Variants in PPM1M observed in about 807,000 individuals in gnomAD.
PPM1M encodes protein phosphatase 1M.
In PPM1M, 44 loss-of-function variants were observed where a neutral mutation model predicts 50.8. That is an observed-to-expected ratio of 0.87 (90% CI 0.68 to 1.11). The LOEUF is 1.11. Among genes scored for constraint, PPM1M ranks in the 50% most tolerant of loss-of-function variants. PPM1M has a pLI of 0.00. For synonymous variants in PPM1M, 224 were observed against 242.9 expected, an observed-to-expected ratio of 0.92 and a Z score of 0.72; for missense variants, 556 against 593.4, an observed-to-expected ratio of 0.94 and a Z score of 0.66.
In PPM1M at chr3:52,245,837, TG is replaced by T. The variant is rs1339540660; in HGVS notation, c.15del (p.Trp5CysfsTer104). 8 of 1,059,160 alleles carry T rather than the reference TG, an allele frequency of 7.6e-6. No individual in the cohort carries two copies. Among genetic ancestry groups the T allele is most frequent in the African/African-American group, 1.7e-5 (1 of 58,066 alleles). 65.6% of individuals were successfully genotyped at this position (1,059,160 alleles called of 1,614,324 possible). A position where few individuals can be genotyped will look rare whatever the true frequency, so the allele number is the denominator to read the frequency against. Reference protein sequence around the residue: MSAGWFRRRFLPGEP... With the variant: MSAGXFRRRFLPGEP... ...CTGCCGCCGCGCCATGTCCGCCGGC[TG>T]GTTCCGGCGCCGCTTCCTGCCTGGG... On this transcript the variant is annotated frameshift_variant, in exon 1 of 10. Transcript: ENST00000323588. LOFTEE classifies it high-confidence loss of function. This position sits in a 1 kb window ranked among gnomAD's most constrained non-coding sequence, Gnocchi z 4.8.
chr3:52,248,776 T>C (rs1327418408), intron 7 of PPM1M, 76 bp downstream of exon 7: 1 of 1,483,340 alleles, frequency 6.7e-7, no homozygotes, highest in Non-Finnish European at 9.4e-7. Flanking sequence ...CCTTTGCCTC[T>C]TGCTGGTAGC....
intron 6 of PPM1M, 50 bp from the exon 7 acceptor site, chr3:52,248,587 G>C: frequency 6.2e-7 from 1 of 1,607,902 alleles, no homozygotes; most frequent in Non-Finnish European, 8.5e-7. Flanking sequence ...GTTGGGGAAA[G>C]ATGAGATGGG....
intron 9 of PPM1M, 130 bp downstream of exon 9, chr3:52,249,452 T>C: frequency 7.5e-7 from 1 of 1,338,770 alleles, no homozygotes; most frequent in African/African-American, 1.4e-5. Flanking sequence ...GTCTCAAGCT[T>C]CTTGGAGGAG....
chr3:52,247,105 T>C lies in PPM1M; in HGVS notation c.474T>C (p.Thr158=), dbSNP rs763960965. Residue 158 remains threonine (T), a synonymous_variant, in exon 3 of 10, where the codon ACT becomes ACC. Coordinates refer to ENST00000323588, the MANE Select transcript of PPM1M (RefSeq NM_144641.4). ...LEAVVEGLVA[T]QPPMHLNGRC... ...CCGTGGTGGAAGGCTTGGTGGCCAC[T>C]CAGCCCCCCATGCACCTCAATGGCC... is the stretch of plus-strand genomic sequence containing the variant. 1 of 1,600,456 alleles carries C rather than the reference T, an allele frequency of 6.2e-7. No homozygotes were observed. Among genetic ancestry groups the C allele is most frequent in the Non-Finnish European group, 8.5e-7 (1 of 1,173,636 alleles).
chr3:52,249,606 C>T, intron 9 of PPM1M, 64 bp from the exon 10 acceptor site: 2 of 1,602,048 alleles, frequency 1.2e-6, no homozygotes, highest in Non-Finnish European at 1.7e-6. Context: ...AGTGAGTTCT[C>T]CTAAGGTCTG....
Position 52,246,040 on chromosome 3 carries a change from C to G in PPM1M, c.216C>G (p.Gly72=). The G allele has an allele frequency of 8.5e-7, 1 of 1,173,134 alleles. No homozygotes were observed. The highest frequency in any genetic ancestry group is 1.5e-5 in the South Asian group (1 of 65,718). 72.7% of individuals were successfully genotyped at this position (1,173,134 alleles called of 1,614,324 possible). Residue 72 remains glycine (G), a synonymous_variant, in exon 1 of 10, where the codon GGC becomes GGG. Transcript: ENST00000323588. ...ARGRTLPWNA[G]YAEIINAEKS... is the part of the protein sequence containing the mutation. ...GACGCACGCTACCCTGGAATGCAGG[C>G]TACGCCGAGTGAGTGCCCCTCCCCG...
chr3:52,247,216 C>G lies in PPM1M; in HGVS notation c.585C>G (p.Ala195=), dbSNP rs879652629. 2 of 1,612,298 alleles carry G rather than the reference C, an allele frequency of 1.2e-6. No homozygotes were observed. The highest frequency in any genetic ancestry group is 1.7e-6 in the Non-Finnish European group (2 of 1,179,174). Residue 195 remains alanine (A), a synonymous_variant, in exon 3 of 10, where the codon GCC becomes GCG. Coordinates refer to ENST00000323588, the MANE Select transcript of PPM1M (RefSeq NM_144641.4). ...EDLVIGALES[A]FQECDEVIGR... ...TGGTGATCGGGGCATTGGAGAGTGCCTTTCAGGAATGTGTGAGTGTGTGGC... is the reference window on the plus strand; with the variant it reads ...TGGTGATCGGGGCATTGGAGAGTGCGTTTCAGGAATGTGTGAGTGTGTGGC...
chr3:52,247,230 T>C lies in PPM1M; in HGVS notation c.597+2T>C, dbSNP rs1289588278. On this transcript the variant is annotated splice_donor_variant, in intron 3 of 9. Coordinates refer to ENST00000323588, the MANE Select transcript of PPM1M (RefSeq NM_144641.4). LOFTEE classifies it high-confidence loss of function. ...TTGGAGAGTGCCTTTCAGGAATGTG[T>C]GAGTGTGTGGCTTTTGGCTGGGGAA... The C allele has an allele frequency of 1.7e-5, 27 of 1,609,176 alleles. No individual in the cohort carries two copies. The highest frequency in any genetic ancestry group is 2.2e-5 in the East Asian group (1 of 44,770).
At chr3:52,248,923 T>A (rs376715042) in intron 7 of PPM1M, 33 bp from the exon 8 acceptor site, 69 of 1,535,670 alleles carry the variant, frequency 4.5e-5, no homozygotes, top group Non-Finnish European at 5.5e-5. Context: ...GCTGGAGCTG[T>A]TTGCCATCGC....
chr3:52,247,049 C>T lies in PPM1M; in HGVS notation c.418C>T (p.Leu140=). 6.4e-7 allele frequency: 1 copy of T among 1,556,362 alleles called. No individual in the cohort carries two copies. Among genetic ancestry groups the T allele is most frequent in the Non-Finnish European group, 8.7e-7 (1 of 1,149,718 alleles). The change falls in exon 3 of 10, where the codon CTG becomes TTG. Residue 140 remains leucine (L), a synonymous_variant. Coordinates refer to ENST00000323588, the MANE Select transcript of PPM1M (RefSeq NM_144641.4). ...AGCAGCCATCTTGGCTGCCAACACCCTGCACTCCTGCTTGCGCCGGCAGCT... is the reference window on the plus strand; with the variant it reads ...AGCAGCCATCTTGGCTGCCAACACCTTGCACTCCTGCTTGCGCCGGCAGCT... The part of the protein sequence containing the change: ...PAAAILAANT[L]HSCLRRQLEA...
intron 1 of PPM1M, 25 bp from the exon 2 acceptor site, chr3:52,246,670 G>C (rs1221391371): frequency 7.8e-7 from 1 of 1,287,270 alleles, no homozygotes; most frequent in Non-Finnish European, 1.0e-6. Context: ...TCCCTGGAGG[G>C]TCGCTTACCA....
At chr3:52,247,820 A>C in intron 4 of PPM1M, 26 bp downstream of exon 4, 1 of 851,874 alleles carries the variant, frequency 1.2e-6, no homozygotes, top group African/African-American at 1.7e-5. Context: ...GAGGGTGGGC[A>C]AGGGTGGGAT....
Position 52,249,201 on chromosome 3 carries a change from G to A in PPM1M, c.1114G>A (p.Glu372Lys), listed in dbSNP as rs778665382. 1.9e-6 allele frequency: 3 copies of A among 1,613,966 alleles called. No individual in the cohort carries two copies. The South Asian group carries it at 3.3e-5, about 18-fold the overall frequency. Residue 372 changes from glutamate (E) to lysine (K), a missense_variant, in exon 9 of 10, where the codon GAG (glutamate) becomes AAG (lysine). Transcript: ENST00000323588. Reference sequence around the variant, plus strand: ...GACTGTGCTGGATGTGGACCAGCTGGAGCTACAGGAGGATGATGTGGTTGT... The same window carrying A: ...GACTGTGCTGGATGTGGACCAGCTGAAGCTACAGGAGGATGATGTGGTTGT... ...QVTVLDVDQLELQEDDVVVMA... is the reference protein window; with the variant it reads ...QVTVLDVDQLKLQEDDVVVMA...
intron 1 of PPM1M, chr3:52,246,250 G>A (rs1405696129): frequency 5.9e-6 from 6 of 1,018,458 alleles, no homozygotes; most frequent in Non-Finnish European, 7.1e-6. Context: ...CTCCCCCTCA[G>A]AGAAGACAGG....
At position 52,249,197 on chromosome 3, in the gene PPM1M, G is replaced by C; in HGVS notation, c.1110G>C (p.Gln370His). Residue 370 changes from glutamine to histidine, a missense_variant, in exon 9 of 10, where the codon CAG (glutamine) becomes CAC (histidine). Transcript: ENST00000323588. Reference protein sequence around the residue: ...VPQVTVLDVDQLELQEDDVVV... With the variant: ...VPQVTVLDVDHLELQEDDVVV... The stretch of plus-strand genomic sequence containing the variant: ...AGGTGACTGTGCTGGATGTGGACCA[G>C]CTGGAGCTACAGGAGGATGATGTGG... The C allele has an allele frequency of 8.1e-6, 13 of 1,613,964 alleles. No homozygotes were observed. Among genetic ancestry groups the C allele is most frequent in the Non-Finnish European group, 1.1e-5 (13 of 1,179,860 alleles).
In PPM1M at chr3:52,245,855, CT is replaced by C; in HGVS notation, c.32del (p.Leu11ArgfsTer98). The C allele has an allele frequency of 9.2e-7, 1 of 1,085,126 alleles. No individual in the cohort carries two copies. 67.2% of individuals were successfully genotyped at this position (1,085,126 alleles called of 1,614,324 possible). A position where few individuals can be genotyped will look rare whatever the true frequency, so the allele number is the denominator to read the frequency against. On this transcript the variant is annotated frameshift_variant, in exon 1 of 10. Coordinates refer to ENST00000323588, the MANE Select transcript of PPM1M (RefSeq NM_144641.4). LOFTEE classifies it high-confidence loss of function. The surrounding 1 kb of genome is among the most constrained non-coding windows in gnomAD (Gnocchi z 4.8). MSAGWFRRRF[L>X]PGEPLPAPRP... Reference sequence around the variant, plus strand: ...CGCCGGCTGGTTCCGGCGCCGCTTCCTGCCTGGGGAGCCGCTCCCCGCGCCG... The same window carrying C: ...CGCCGGCTGGTTCCGGCGCCGCTTCCGCCTGGGGAGCCGCTCCCCGCGCCG...
Position 52,248,992 on chromosome 3 carries a change from C to G in PPM1M, c.1015C>G (p.Leu339Val), listed in dbSNP as rs746439943. 1 of 1,610,664 alleles carries G rather than the reference C, an allele frequency of 6.2e-7. No individual in the cohort carries two copies. The highest frequency in any genetic ancestry group is 8.5e-7 in the Non-Finnish European group (1 of 1,178,432). The part of the protein sequence containing the change: ...LLGTLAVSRG[L>V]GDHQLRVLDT... Reference sequence around the variant, plus strand: ...AGGAACACTGGCTGTCTCCCGGGGCCTGGGAGACCATCAGCTCAGAGTCCT... The same window carrying G: ...AGGAACACTGGCTGTCTCCCGGGGCGTGGGAGACCATCAGCTCAGAGTCCT... The change falls in exon 8 of 10, where the codon CTG becomes GTG. Residue 339 changes from leucine (L) to valine (V), a missense_variant. Leu to Val is a conservative substitution (Grantham distance 32). Coordinates refer to ENST00000323588, the MANE Select transcript of PPM1M (RefSeq NM_144641.4).
In PPM1M at chr3:52,248,390, G is replaced by A. The variant is rs375222899; in HGVS notation, c.851G>A (p.Arg284Gln). Residue 284 changes from arginine to glutamine, a missense_variant, in exon 6 of 10, where the codon CGG (arginine) becomes CAG (glutamine). Arg to Gln is a conservative substitution (Grantham distance 43, BLOSUM62 1). Coordinates refer to ENST00000323588, the MANE Select transcript of PPM1M (RefSeq NM_144641.4). ...GAGTTCACCCGACTGGAGTTCCCTC[G>A]GCGGCTGAAGGGGGATGACTTGGGA... is the stretch of plus-strand genomic sequence containing the variant. ...AGEFTRLEFP[R>Q]RLKGDDLGQK... 35 of 1,613,586 alleles carry A rather than the reference G, an allele frequency of 2.2e-5. No individual in the cohort carries two copies. The highest frequency in any genetic ancestry group is 2.2e-4 in the Admixed American group (13 of 59,966).
intron 1 of PPM1M, chr3:52,246,294 A>G: frequency 9.7e-7 from 1 of 1,031,134 alleles, no homozygotes; most frequent in Non-Finnish European, 1.2e-6. Flanking sequence ...AGGGGCTTCC[A>G]AGATGAGGCC....
Sources: allele counts gnomAD v4.1 joint callset, GRCh38; gene constraint gnomAD v4.1.1; non-coding constraint Gnocchi (gnomAD v3.1); transcripts MANE v1.5; gene names NCBI Gene and HGNC (gene_info 2026-07-23, HGNC 2026-07-21).